PTPRD: variants seen among roughly 807,000 people sequenced by gnomAD.
PTPRD encodes receptor-type tyrosine-protein phosphatase delta.
Under a neutral mutation model 214.5 loss-of-function variants are expected in PTPRD, and 34 were observed. The ratio of observed to expected loss-of-function variants is 0.16; its 90% CI spans 0.12 to 0.21. The LOEUF (loss-of-function observed/expected upper bound fraction) is 0.21, where lower values mean the gene tolerates loss of function less well. Ranked by LOEUF, PTPRD falls within the 10% of genes least tolerant of loss-of-function variation. The pLI is 1.00. For missense variants in PTPRD, 2,545 were observed against 2,398.7 expected (o/e 1.06, Z -1.27); for synonymous variants, 1,128 against 845.7 (o/e 1.33, Z -5.79).
chr9:9,684,208 A>G (rs2097128171), intron 7 of PTPRD, among the ~76,000 whole-genome samples: 1 of 151,726 alleles, frequency 6.6e-6, no homozygotes, highest in South Asian at 2.1e-4. Flanking sequence ...TCAAGGAATC[A>G]TGTTTTATTT....
intron 4 of PTPRD, among the ~76,000 whole-genome samples, chr9:9,980,533 G>C (rs1338144219): frequency 7.1e-6 from 1 of 140,202 alleles, no homozygotes; most frequent in Non-Finnish European, 1.5e-5. Flanking sequence ...GCTTGAACCC[G>C]GGGGGGCAAA....
At chr9:10,244,993 A>C (rs1359510500) in intron 3 of PTPRD, among the ~76,000 whole-genome samples, 1 of 152,206 alleles carries the variant, frequency 6.6e-6, no homozygotes, top group African/African-American at 2.4e-5. Flanking sequence ...ATTAATAATA[A>C]AAATGAAACA....
At chr9:9,688,148 A>T (rs1320975722) in intron 7 of PTPRD, among the ~76,000 whole-genome samples, 1 of 151,882 alleles carries the variant, frequency 6.6e-6, no homozygotes, top group Non-Finnish European at 1.5e-5. Flanking sequence ...ATTGTGAGTC[A>T]ATTAAACCTC....
At chr9:8,734,207 C>T (rs1170714823) in intron 11 of PTPRD, among the ~76,000 whole-genome samples, 1 of 152,202 alleles carries the variant, frequency 6.6e-6, no homozygotes. Flanking sequence ...TAAAGCCAAC[C>T]ACCTTGACTT....
chr9:8,933,057 A>G (rs755182629), intron 11 of PTPRD, among the ~76,000 whole-genome samples: 5 of 152,120 alleles, frequency 3.3e-5, no homozygotes, highest in Middle Eastern at 3.4e-3. Context: ...AAAGCATAGT[A>G]TCTGGACCAG....
chr9:9,053,909 G>C (rs2099691368), intron 10 of PTPRD, among the ~76,000 whole-genome samples: 1 of 151,964 alleles, frequency 6.6e-6, no homozygotes, highest in African/African-American at 2.4e-5. Context: ...TTTTCAAAAA[G>C]AACATGAGAT....
chr9:9,529,855 T>C (rs1333595879), intron 8 of PTPRD, among the ~76,000 whole-genome samples: 1 of 151,540 alleles, frequency 6.6e-6, no homozygotes, highest in Admixed American at 6.6e-5. Context: ...TATATATATA[T>C]ATTTAAATAT....
At chr9:10,296,561 G>C (rs1274011967) in intron 3 of PTPRD, among the ~76,000 whole-genome samples, 4 of 151,956 alleles carry the variant, frequency 2.6e-5, no homozygotes, top group Admixed American at 2.0e-4. Flanking sequence ...CCATATCCTT[G>C]GCTGCAGCAC....
intron 11 of PTPRD, among the ~76,000 whole-genome samples, chr9:8,780,761 A>G (rs1363541387): frequency 6.6e-6 from 1 of 152,220 alleles, no homozygotes; most frequent in Non-Finnish European, 1.5e-5. Flanking sequence ...TGAGGTAAGT[A>G]AAGAAACAAA....
chr9:8,338,961 T>C lies in PTPRD; in HGVS notation c.5340A>G (p.Pro1780=), dbSNP rs778051163. The change falls in exon 43 of 46, where the codon CCA becomes CCG. Residue 1780 remains proline (P), a synonymous_variant. Transcript: ENST00000381196. The part of the protein sequence containing the change: ...VVDPMAEYNM[P]QYILREFKVT... ...CCTTGAATTCCCTTAGGATATACTG[T>C]GGCATGTTGTACTCAGCCATGGGAT... 10 of 1,612,224 alleles carry C rather than the reference T, an allele frequency of 6.2e-6. No homozygotes were observed. In the East Asian group the frequency reaches 1.8e-4, roughly 29 times the overall value.
intron 35 of PTPRD, among the ~76,000 whole-genome samples, chr9:8,407,131 G>C (rs548030764): frequency 3.9e-5 from 6 of 152,298 alleles, no homozygotes; most frequent in Non-Finnish European, 8.8e-5. Context: ...TTAAAAACGA[G>C]TAACAGAAAC....
chr9:8,504,131 T>G, intron 23 of PTPRD, 130 bp downstream of exon 23: 1 of 855,912 alleles, frequency 1.2e-6, no homozygotes, highest in Non-Finnish European at 1.8e-6. Flanking sequence ...ACCTGTGAAG[T>G]GTGATGCATA....
At chr9:8,908,943 G>C (rs1489874604) in intron 11 of PTPRD, among the ~76,000 whole-genome samples, 1 of 149,582 alleles carries the variant, frequency 6.7e-6, no homozygotes, top group Non-Finnish European at 1.5e-5. Context: ...ACATGAATAT[G>C]AAAATAAATT....
At chr9:9,638,963 G>A (rs77264061) in intron 7 of PTPRD, among the ~76,000 whole-genome samples, 2,562 of 152,048 alleles carry the variant, frequency 0.017, 63 homozygotes, top group African/African-American at 0.059. Context: ...TTTCATAATG[G>A]CACAAACCCA....
chr9:8,613,797 T>G (rs2154293045), intron 14 of PTPRD, among the ~76,000 whole-genome samples: 1 of 152,248 alleles, frequency 6.6e-6, no homozygotes, highest in East Asian at 1.9e-4. Flanking sequence ...CATAACTGGT[T>G]TAGTTGTTTT....
chr9:8,564,591 C>T (rs929750377), intron 14 of PTPRD, among the ~76,000 whole-genome samples: 1 of 152,218 alleles, frequency 6.6e-6, no homozygotes, highest in Middle Eastern at 3.4e-3. Context: ...AATCCCGCTA[C>T]TCAGGGGCTG....
intron 2 of PTPRD, among the ~76,000 whole-genome samples, chr9:10,500,715 G>C (rs2043405217): frequency 6.6e-6 from 1 of 151,408 alleles, no homozygotes; most frequent in African/African-American, 2.4e-5. Flanking sequence ...ACCCTTCCCA[G>C]ACTCTTGTAA....
intron 8 of PTPRD, among the ~76,000 whole-genome samples, chr9:9,455,912 G>A (rs1469047018): frequency 1.3e-5 from 2 of 151,692 alleles, no homozygotes; most frequent in South Asian, 4.1e-4. Flanking sequence ...TAAGCTGAAG[G>A]TTGTTCAATA....
intron 11 of PTPRD, among the ~76,000 whole-genome samples, chr9:8,846,187 A>T (rs1017373372): frequency 1.3e-5 from 2 of 152,216 alleles, no homozygotes; most frequent in African/African-American, 4.8e-5. Context: ...ATATAAAATT[A>T]AAATTAATTA....
Sources: allele counts gnomAD v4.1 joint callset (sites outside exome capture counted in the v4.1 genomes callset), GRCh38; gene constraint gnomAD v4.1.1; transcripts MANE v1.5; gene names NCBI Gene and HGNC (gene_info 2026-07-23, HGNC 2026-07-21).